Variants in TSPAN7 observed in about 807,000 individuals in gnomAD.
TSPAN7 encodes tetraspanin 7, also known as tetraspanin-7.
TSPAN7 carries 1 observed loss-of-function variant against 17.6 expected under a neutral mutation model. The ratio of observed to expected loss-of-function variants is 0.06; its 90% CI spans 0.02 to 0.27. The LOEUF (loss-of-function observed/expected upper bound fraction) is 0.27, where lower values mean the gene tolerates loss of function less well. Among genes scored for constraint, TSPAN7 ranks in the 10% least tolerant of loss-of-function variants. TSPAN7 has a pLI of 1.00. For missense variants in TSPAN7, 112 were observed against 201.7 expected, an observed-to-expected ratio of 0.56 and a Z score of 2.69; for synonymous variants, 78 against 79.0, an observed-to-expected ratio of 0.99 and a Z score of 0.07.
At position 38,681,688 on chromosome X, in the gene TSPAN7, C is replaced by T. The variant is rs772383850; in HGVS notation, c.681+401C>T. Reference sequence around the variant, plus strand: ...GCTCTCTCTTAGTTCCTATGTATTACAGATGAGATCTCTCCCTTTAAAGAA... The same window carrying T: ...GCTCTCTCTTAGTTCCTATGTATTATAGATGAGATCTCTCCCTTTAAAGAA... On this transcript the variant is annotated intron_variant, in intron 6 of 7. Transcript: ENST00000378482. 6.3e-4 allele frequency among the ~76,000 whole-genome samples: 71 copies of T among 111,908 alleles called. 1 individual carries two copies. Among genetic ancestry groups the T allele is most frequent in the Non-Finnish European group, 1.1e-3 (58 of 53,209 alleles).
chrX:38,574,672 A>G (rs1236427994), intron 1 of TSPAN7, among the ~76,000 whole-genome samples: 1 of 111,520 alleles, frequency 9.0e-6, no homozygotes. Context: ...CCAATAGAAT[A>G]CTGACAGGAT....
rs146633289 is a variant in TSPAN7, at chrX:38,632,450, G to A, written c.82-33671G>A. 3.3e-3 allele frequency among the ~76,000 whole-genome samples: 376 copies of A among 112,264 alleles called. 3 individuals carry two copies. Among genetic ancestry groups the A allele is most frequent in the African/African-American group, 0.012 (364 of 30,951 alleles). On this transcript the variant is annotated intron_variant, in intron 1 of 7. Coordinates refer to ENST00000378482, the MANE Select transcript of TSPAN7 (RefSeq NM_004615.4). ...GTTTGAGCTGGGGGCATAGAGAATC[G>A]TGTTAACAAGAACCACCAGAGTTAA...
At chrX:38,673,269 A>G (rs187080928) in intron 3 of TSPAN7, among the ~76,000 whole-genome samples, 73 of 111,704 alleles carry the variant, frequency 6.5e-4, no homozygotes, top group African/African-American at 2.3e-3. Context: ...TGGCCTGGTA[A>G]CACATTCGAC....
chrX:38,623,317 G>C (rs916835799), intron 1 of TSPAN7, among the ~76,000 whole-genome samples: 1 of 111,375 alleles, frequency 9.0e-6, no homozygotes, highest in African/African-American at 3.3e-5. Context: ...CTGGAACTCA[G>C]CTTCCATTCC....
intron 1 of TSPAN7, among the ~76,000 whole-genome samples, chrX:38,616,132 A>G (rs5917609): frequency 0.046 from 5,180 of 112,378 alleles, 93 homozygotes; most frequent in African/African-American, 0.059. Context: ...GGTTCTGATC[A>G]TAGTCATAGC....
intron 1 of TSPAN7, among the ~76,000 whole-genome samples, chrX:38,577,810 T>TA (rs763408978): frequency 0.02 from 1,897 of 96,274 alleles, 34 homozygotes; most frequent in African/African-American, 0.065. Flanking sequence ...ACTTAAAGTA[T>TA]AAAAAAAAAA....
At chrX:38,649,171 T>G (rs2069662539) in intron 1 of TSPAN7, among the ~76,000 whole-genome samples, 1 of 111,396 alleles carries the variant, frequency 9.0e-6, no homozygotes, top group Non-Finnish European at 1.9e-5. Context: ...CCTCTTCGTA[T>G]GCTGTATTGT....
At chrX:38,627,793 A>T (rs972581829) in intron 1 of TSPAN7, among the ~76,000 whole-genome samples, 4 of 113,410 alleles carry the variant, frequency 3.5e-5, no homozygotes, top group African/African-American at 1.3e-4. Flanking sequence ...GCACAGATAT[A>T]CATATGTATC....
chrX:38,656,786 T>C (rs1189607315), intron 1 of TSPAN7, among the ~76,000 whole-genome samples: 1 of 112,097 alleles, frequency 8.9e-6, no homozygotes, highest in Non-Finnish European at 1.9e-5. Flanking sequence ...TCCTTTCACA[T>C]GCTCTTGGAC....
At position 38,688,436 on chromosome X, in the gene TSPAN7, G is replaced by A. The variant is rs1308986368; in HGVS notation, c.*505G>A. On this transcript the variant is annotated 3_prime_UTR_variant, in exon 8 of 8. Coordinates refer to ENST00000378482, the MANE Select transcript of TSPAN7 (RefSeq NM_004615.4). ...TTTGGTTTGATTTTCCCTCTACTAAGGCTTTCCTACCTTCTTCAGGCTGCC... is the reference window on the plus strand; with the variant it reads ...TTTGGTTTGATTTTCCCTCTACTAAAGCTTTCCTACCTTCTTCAGGCTGCC... 1 of 113,131 alleles carries A rather than the reference G, an allele frequency of 8.8e-6. No individual in the cohort carries two copies. Among genetic ancestry groups the A allele is most frequent in the Non-Finnish European group, 1.9e-5 (1 of 53,328 alleles). 9.3% of individuals were successfully genotyped at this position (113,131 alleles called of 1,213,427 possible). A position where few individuals can be genotyped will look rare whatever the true frequency, so the allele number is the denominator to read the frequency against.
intron 1 of TSPAN7, among the ~76,000 whole-genome samples, chrX:38,583,980 G>T (rs180764851): frequency 0.032 from 2,352 of 73,669 alleles, 108 homozygotes; most frequent in African/African-American, 0.12. Context: ...TTGAGATAGA[G>T]TCTTGCTCTG....
intron 1 of TSPAN7, chrX:38,646,363 G>A: frequency 9.3e-7 from 1 of 1,075,444 alleles, no homozygotes; most frequent in Non-Finnish European, 1.2e-6. Flanking sequence ...AATGTGTGTA[G>A]CTGTGGGATT....
At chrX:38,676,161 C>T (rs955661663) in intron 5 of TSPAN7, among the ~76,000 whole-genome samples, 2 of 111,351 alleles carry the variant, frequency 1.8e-5, no homozygotes, top group African/African-American at 6.5e-5. Context: ...CGAGTGTTGG[C>T]TTTCTTCTTT....
intron 6 of TSPAN7, among the ~76,000 whole-genome samples, chrX:38,686,430 C>T (rs1209545738): frequency 6.3e-5 from 7 of 111,806 alleles, no homozygotes; most frequent in Admixed American, 9.5e-5. Flanking sequence ...GAGCAGTTCC[C>T]TGCCCTGGAA....
intron 6 of TSPAN7, 98 bp from the exon 7 acceptor site, chrX:38,687,501 C>T: frequency 1.2e-6 from 1 of 803,209 alleles, no homozygotes; most frequent in Non-Finnish European, 1.8e-6. Context: ...TGTCAAAAAT[C>T]ACATACCCCA....
chrX:38,601,982 C>G (rs2069349429), intron 1 of TSPAN7, among the ~76,000 whole-genome samples: 1 of 111,762 alleles, frequency 8.9e-6, no homozygotes, highest in Non-Finnish European at 1.9e-5. Context: ...TGGCCCATGT[C>G]TCACTGACCA....
chrX:38,602,219 G>A (rs762604154), intron 1 of TSPAN7, among the ~76,000 whole-genome samples: 2 of 112,091 alleles, frequency 1.8e-5, no homozygotes, highest in African/African-American at 6.5e-5. Context: ...GTAGTATGAT[G>A]TATGTGCTTT....
intron 7 of TSPAN7, 60 bp downstream of exon 7, chrX:38,687,734 T>A: frequency 9.9e-7 from 1 of 1,011,122 alleles, no homozygotes; most frequent in Non-Finnish European, 1.4e-6. Flanking sequence ...CTTACTACCC[T>A]TCAAATGTGC....
At chrX:38,674,647 G>A (rs781575824) in intron 4 of TSPAN7, among the ~76,000 whole-genome samples, 1 of 111,806 alleles carries the variant, frequency 8.9e-6, no homozygotes, top group East Asian at 2.8e-4. Context: ...GGCTCCCGGA[G>A]GCTGGCTTTC....
Sources: gnomAD v4.1 joint callset for allele counts (sites outside exome capture counted in the v4.1 genomes callset) on GRCh38, gnomAD v4.1.1 for gene constraint, MANE v1.5 for transcripts, NCBI Gene and HGNC (gene_info 2026-07-23, HGNC 2026-07-21) for gene names.